AMOTL2: variants seen among roughly 807,000 people sequenced by gnomAD.
The protein encoded by AMOTL2 is angiomotin like 2.
In AMOTL2, 33 loss-of-function variants were observed where a neutral mutation model predicts 78.4. The observed-to-expected ratio is 0.42, with a 90% CI of 0.32 to 0.56. AMOTL2 has a LOEUF of 0.56. Ranked by LOEUF, AMOTL2 falls within the 20% of genes least tolerant of loss-of-function variation. The pLI, the probability that AMOTL2 is intolerant of heterozygous loss-of-function variation, is 0.12. For missense variants in AMOTL2, 983 were observed against 1,030.1 expected (o/e 0.95, Z 0.63); for synonymous variants, 422 against 428.8 (o/e 0.98, Z 0.20).
At chr3:134,358,235 A>G (rs982607541) in intron 9 of AMOTL2, among the ~76,000 whole-genome samples, 1 of 152,232 alleles carries the variant, frequency 6.6e-6, no homozygotes. Flanking sequence ...CAAATTGGAA[A>G]TTAACTATGT....
Position 134,370,971 on chromosome 3 carries a change from C to A in AMOTL2, c.463G>T (p.Val155Leu). The A allele has an allele frequency of 6.2e-7, 1 of 1,607,446 alleles. No individual in the cohort carries two copies. Among genetic ancestry groups the A allele is most frequent in the Non-Finnish European group, 8.5e-7 (1 of 1,177,042 alleles). ...EALRELRHGHVRSLSERLLQL... is the reference protein window; with the variant it reads ...EALRELRHGHLRSLSERLLQL... ...AGGAGCCGTTCACTCAACGAGCGCACGTGCCCATGCCTCAGCTCCCGCAGG... is the reference window on the plus strand; with the variant it reads ...AGGAGCCGTTCACTCAACGAGCGCAAGTGCCCATGCCTCAGCTCCCGCAGG... Residue 155 changes from valine (V) to leucine (L), a missense_variant, in exon 2 of 10, where the codon GTG (valine) becomes TTG (leucine). Physicochemically the swap from Val to Leu is conservative, Grantham distance 32. Coordinates refer to ENST00000249883, the MANE Select transcript of AMOTL2 (RefSeq NM_016201.4).
At chr3:134,360,884 T>C (rs1181589208) in intron 6 of AMOTL2, among the ~76,000 whole-genome samples, 1 of 152,224 alleles carries the variant, frequency 6.6e-6, no homozygotes, top group African/African-American at 2.4e-5. Flanking sequence ...ATATAAAAGC[T>C]GGCTGGTGGC....
rs1315357401 is a variant in AMOTL2, at chr3:134,356,491, T to C, written c.*1214A>G. 1.3e-5 allele frequency: 2 copies of C among 152,622 alleles called. No individual in the cohort carries two copies. The highest frequency in any genetic ancestry group is 4.8e-5 in the African/African-American group (2 of 41,466). The allele number at this position is 152,622 out of a possible 1,614,324, so 9.5% of individuals were successfully genotyped here. A position where few individuals can be genotyped will look rare whatever the true frequency, so the allele number is the denominator to read the frequency against. On this transcript the variant is annotated 3_prime_UTR_variant, in exon 10 of 10. Transcript: ENST00000249883. Reference sequence around the variant, plus strand: ...AATTCCAAAGCATCTGGTGCTGCTTTAGGGCGCTGGGCATGGGTAGCTTGA... The same window carrying C: ...AATTCCAAAGCATCTGGTGCTGCTTCAGGGCGCTGGGCATGGGTAGCTTGA...
chr3:134,373,114 G>A (rs1252868221), intron 1 of AMOTL2, among the ~76,000 whole-genome samples: 2 of 151,934 alleles, frequency 1.3e-5, no homozygotes, highest in Admixed American at 6.5e-5. Flanking sequence ...AGTCTGGAGG[G>A]CACCTCTGTA....
In AMOTL2 at chr3:134,367,680, G is replaced by A. The variant is rs2017672422; in HGVS notation, c.858C>T (p.Ser286=). The change falls in exon 3 of 10, where the codon AGC becomes AGT. Residue 286 remains serine (S), a synonymous_variant. Transcript: ENST00000249883. ...CCTCCACAGCAGGTGGACTGAGGGA[G>A]CTCAGGGGGCCATGGCCGAGAGCAG... is the stretch of plus-strand genomic sequence containing the variant. ...HPAALGHGPL[S]SLSPPAVEGP... The A allele has an allele frequency of 6.2e-7, 1 of 1,613,424 alleles. No individual in the cohort carries two copies. Among genetic ancestry groups the A allele is most frequent in the African/African-American group, 1.3e-5 (1 of 75,036 alleles).
rs999413665 is a variant in AMOTL2, at chr3:134,355,597, C to A, written c.*2108G>T. Among the ~76,000 whole-genome samples, 1 of 152,166 alleles carries A rather than the reference C, an allele frequency of 6.6e-6. No individual in the cohort carries two copies. Among genetic ancestry groups the A allele is most frequent in the Non-Finnish European group, 1.5e-5 (1 of 68,042 alleles). The stretch of plus-strand genomic sequence containing the variant: ...CCACTCCCACTGTGGATAACCACAG[C>A]GTGTGGCCGAACAAAGCTGATTAGA... On this transcript the variant is annotated 3_prime_UTR_variant, in exon 10 of 10. Coordinates refer to ENST00000249883, the MANE Select transcript of AMOTL2 (RefSeq NM_016201.4).
At chr3:134,360,029 G>T in intron 7 of AMOTL2, 77 bp downstream of exon 7, 2 of 1,461,776 alleles carry the variant, frequency 1.4e-6, no homozygotes. Flanking sequence ...CTGTTTATCA[G>T]GGATCAAGGG....
rs1484752103 is a variant in AMOTL2, at chr3:134,361,817, GAA to G, written c.1280-12_1280-11del. ...TGCTGCTGTTCGTAGCCTGTAGGGAGAAAGAGGCTTGATCAGTGACAGTGACC... is the reference window on the plus strand; with the variant it reads ...TGCTGCTGTTCGTAGCCTGTAGGGAGAGAGGCTTGATCAGTGACAGTGACC... On this transcript the variant is annotated splice_polypyrimidine_tract_variant and intron_variant, in intron 5 of 9. Transcript: ENST00000249883. The G allele has an allele frequency of 6.5e-7, 1 of 1,530,292 alleles. No individual in the cohort carries two copies. The highest frequency in any genetic ancestry group is 8.8e-7 in the Non-Finnish European group (1 of 1,132,842). 94.8% of individuals were successfully genotyped at this position (1,530,292 alleles called of 1,614,324 possible).
chr3:134,360,153 A>T lies in AMOTL2; in HGVS notation c.1836T>A (p.Asn612Lys). 3 of 1,613,776 alleles carry T rather than the reference A, an allele frequency of 1.9e-6. No homozygotes were observed. The highest frequency in any genetic ancestry group is 2.5e-6 in the Non-Finnish European group (3 of 1,179,784). The change falls in exon 7 of 10, where the codon AAT (asparagine) becomes AAA (lysine). Residue 612 changes from asparagine to lysine, a missense_variant. Transcript: ENST00000249883. ...TGTGGCCACCAGTGAGCAGACCCTC[A>T]TTGAAGCTGCTGCTGGGTGAGGGCT... ...SPQPSPSSSFNEGLLTGGHRH... is the reference protein window; with the variant it reads ...SPQPSPSSSFKEGLLTGGHRH...
At chr3:134,362,240 T>C (rs755268927) in intron 5 of AMOTL2, among the ~76,000 whole-genome samples, 7 of 152,182 alleles carry the variant, frequency 4.6e-5, no homozygotes, top group Admixed American at 6.5e-5. Context: ...TGGTCCTCCT[T>C]CCAGTGGGAG....
At position 134,367,809 on chromosome 3, in the gene AMOTL2, G is replaced by C; in HGVS notation, c.735-6C>G. 1.2e-6 allele frequency: 2 copies of C among 1,612,980 alleles called. No homozygotes were observed. The highest frequency in any genetic ancestry group is 1.3e-5 in the African/African-American group (1 of 75,016). On this transcript the variant is annotated splice_region_variant and splice_polypyrimidine_tract_variant and intron_variant, in intron 2 of 9. Coordinates refer to ENST00000249883, the MANE Select transcript of AMOTL2 (RefSeq NM_016201.4). ...GCACCTGGGCCTGCAGGATCCTGGG[G>C]AACAGAAGAGACGGTGCTCAGAGAC...
chr3:134,375,257 C>A, upstream of AMOTL2: 1 of 1,535,538 alleles, frequency 6.5e-7, no homozygotes, highest in Non-Finnish European at 8.7e-7. Context: ...CGCCCCTTTA[C>A]GCAGAGTGCA....
rs751786467 is a variant in AMOTL2, at chr3:134,357,544, G to C, written c.*161C>G. Reference sequence around the variant, plus strand: ...CTCTCACAGCTCTCCTCTCCCCTGGGGTCCTCCTCCTGAGCTCCTGGGACC... The same window carrying C: ...CTCTCACAGCTCTCCTCTCCCCTGGCGTCCTCCTCCTGAGCTCCTGGGACC... On this transcript the variant is annotated 3_prime_UTR_variant, in exon 10 of 10. Coordinates refer to ENST00000249883, the MANE Select transcript of AMOTL2 (RefSeq NM_016201.4). 5 of 736,344 alleles carry C rather than the reference G, an allele frequency of 6.8e-6. No homozygotes were observed. In the African/African-American group the frequency reaches 8.6e-5, roughly 13 times the overall value. The allele number at this position is 736,344 out of a possible 1,614,324, so 45.6% of individuals were successfully genotyped here.
intron 9 of AMOTL2, 35 bp from the exon 10 acceptor site, chr3:134,357,798 G>C (rs745688180): frequency 6.3e-7 from 1 of 1,598,138 alleles, no homozygotes. Flanking sequence ...ACATGCCAAT[G>C]AGTGTTACTA....
chr3:134,363,606 CA>C (rs1406349461), intron 5 of AMOTL2, among the ~76,000 whole-genome samples: 1 of 152,236 alleles, frequency 6.6e-6, no homozygotes, highest in African/African-American at 2.4e-5. Flanking sequence ...GCCTCAAGGC[CA>C]GATCCCCAGG....
Position 134,371,010 on chromosome 3 carries a change from T to C in AMOTL2, c.424A>G (p.Arg142Gly), listed in dbSNP as rs781642143. The C allele has an allele frequency of 6.2e-7, 1 of 1,603,396 alleles. No homozygotes were observed. The highest frequency in any genetic ancestry group is 1.7e-5 in the Admixed American group (1 of 58,454). ...DPRGAPGGSR[R>G]QDEALRELRH... ...AGCTCCCGCAGGGCCTCGTCCTGCC[T>C]CCGACTGCCTCCCGGGGCCCCACGG... Residue 142 changes from arginine (R) to glycine (G), a missense_variant, in exon 2 of 10, where the codon AGG becomes GGG. Physicochemically the swap from Arg to Gly is moderately radical, Grantham distance 125. Transcript: ENST00000249883.
chr3:134,365,675 G>A (rs991169537), intron 5 of AMOTL2, 142 bp downstream of exon 5: 6 of 682,006 alleles, frequency 8.8e-6, no homozygotes, highest in Non-Finnish European at 1.5e-5. Context: ...ATCCAGTCTA[G>A]TGTTGGGCAT....
At position 134,373,438 on chromosome 3, in the gene AMOTL2, C is replaced by T. The variant is rs1232396022; in HGVS notation, c.-62+904G>A. On this transcript the variant is annotated intron_variant, in intron 1 of 9. Coordinates refer to ENST00000249883, the MANE Select transcript of AMOTL2 (RefSeq NM_016201.4). ...CATCGCGAATTTGTCCCGGCCAAGC[C>T]CCTCAGATTCACGTCCTTTCAGACA... 6.1e-6 allele frequency: 6 copies of T among 982,614 alleles called. No individual in the cohort carries two copies. In the African/African-American group the frequency reaches 8.7e-5, roughly 14 times the overall value. The allele number at this position is 982,614 out of a possible 1,614,324, so 60.9% of individuals were successfully genotyped here.
At position 134,365,725 on chromosome 3, in the gene AMOTL2, A is replaced by C. The variant is rs150940292; in HGVS notation, c.1279+92T>G. Reference sequence around the variant, plus strand: ...ACCTGCTCCCAAAGTACTACTTTGCAAGGGGGAAGGCCAATCTTCCTAGTC... The same window carrying C: ...ACCTGCTCCCAAAGTACTACTTTGCCAGGGGGAAGGCCAATCTTCCTAGTC... On this transcript the variant is annotated intron_variant, in intron 5 of 9. Transcript: ENST00000249883. The C allele has an allele frequency of 1.9e-3, 2,289 of 1,197,600 alleles. 36 individuals carry two copies. In the African/African-American group the frequency reaches 0.03, roughly 16 times the overall value. 74.2% of individuals were successfully genotyped at this position (1,197,600 alleles called of 1,614,324 possible).
Sources: gnomAD v4.1 joint callset for allele counts (sites outside exome capture counted in the v4.1 genomes callset) on GRCh38, gnomAD v4.1.1 for gene constraint, MANE v1.5 for transcripts, NCBI Gene and HGNC (gene_info 2026-07-23, HGNC 2026-07-21) for gene names.